Variants in RPS19 observed in about 807,000 individuals in gnomAD.
The protein encoded by RPS19 is ribosomal protein S19.
A neutral mutation model predicts 20.3 loss-of-function variants in RPS19; 1 was observed. The ratio of observed to expected loss-of-function variants is 0.05; its 90% CI spans 0.02 to 0.23. The LOEUF (loss-of-function observed/expected upper bound fraction) is 0.23. Ranked by LOEUF, RPS19 falls within the 10% of genes least tolerant of loss-of-function variation. The probability of loss-of-function intolerance (pLI) is 1.00; values close to 1 mark genes in which losing one functional copy is unlikely to be tolerated. For missense variants in RPS19, 111 were observed against 192.7 expected (o/e 0.58, Z 2.51); for synonymous variants, 87 against 74.8 (o/e 1.16, Z -0.84).
chr19:41,867,946 C>G (rs2074106870), intron 3 of RPS19, among the ~76,000 whole-genome samples: 1 of 152,176 alleles, frequency 6.6e-6, no homozygotes, highest in Admixed American at 6.5e-5. Flanking sequence ...GTATCTGGAC[C>G]TGATCTCAGG....
intron 3 of RPS19, among the ~76,000 whole-genome samples, chr19:41,867,591 C>T (rs1357551207): frequency 1.3e-5 from 2 of 152,210 alleles, no homozygotes; most frequent in Admixed American, 6.5e-5. Context: ...GGATTACAGG[C>T]GTGAGCCACT....
chr19:41,866,502 G>A (rs550258961), intron 3 of RPS19, among the ~76,000 whole-genome samples: 218 of 152,296 alleles, frequency 1.4e-3, no homozygotes, highest in African/African-American at 5.1e-3. Flanking sequence ...ATTGGTCCTG[G>A]TTATGGGCAC....
intron 3 of RPS19, among the ~76,000 whole-genome samples, chr19:41,867,805 T>G (rs1398133011): frequency 1.3e-5 from 2 of 152,202 alleles, no homozygotes; most frequent in Admixed American, 6.5e-5. Context: ...GCCCTTTTTT[T>G]GTGTTTTAAG....
At chr19:41,860,950 G>T in intron 2 of RPS19, 105 bp downstream of exon 2, 1 of 1,174,644 alleles carries the variant, frequency 8.5e-7, no homozygotes, top group Non-Finnish European at 1.3e-6. Context: ...CTTGTTTGGG[G>T]CCTCCGTGGC....
intron 3 of RPS19, among the ~76,000 whole-genome samples, chr19:41,868,055 A>C (rs1191495243): frequency 6.6e-6 from 1 of 152,180 alleles, no homozygotes; most frequent in Non-Finnish European, 1.5e-5. Flanking sequence ...CAGTTATGGA[A>C]GAACCCCCAA....
At chr19:41,860,717 T>C in intron 1 of RPS19, 58 bp from the exon 2 acceptor site, 2 of 1,275,964 alleles carry the variant, frequency 1.6e-6, no homozygotes, top group Non-Finnish European at 1.1e-6. Flanking sequence ...GTGGGGTCCG[T>C]GCTCTTGGCA....
intron 1 of RPS19, 167 bp downstream of exon 1, chr19:41,860,456 T>A: frequency 2.4e-6 from 1 of 410,104 alleles, no homozygotes; most frequent in South Asian, 2.2e-5. Context: ...GTCAGCGCCG[T>A]CCGGGAACCG....
intron 3 of RPS19, chr19:41,864,933 C>T (rs560055314): frequency 4.9e-4 from 74 of 152,326 alleles, no homozygotes; most frequent in African/African-American, 1.7e-3. Flanking sequence ...TATTTCAACT[C>T]TTAGCATTTT....
chr19:41,869,824 G>A (rs2074128559), intron 5 of RPS19, 71 bp downstream of exon 5: 10 of 1,505,886 alleles, frequency 6.6e-6, no homozygotes, highest in South Asian at 3.4e-5. Context: ...CCCATACTTT[G>A]TCAGGTAGAC....
intron 5 of RPS19, 142 bp from the exon 6 acceptor site, chr19:41,871,209 C>G: frequency 1.3e-6 from 1 of 787,326 alleles, no homozygotes; most frequent in Non-Finnish European, 2.3e-6. Flanking sequence ...GGGGAATACC[C>G]ACAGTGAGAA....
At chr19:41,871,097 A>G (rs2074144939) in intron 5 of RPS19, among the ~76,000 whole-genome samples, 1 of 151,938 alleles carries the variant, frequency 6.6e-6, no homozygotes, top group African/African-American at 2.4e-5. Context: ...TCTTGACCTC[A>G]GGTGATCCAC....
At position 41,869,018 on chromosome 19, in the gene RPS19, A is replaced by G; in HGVS notation, c.173-13A>G. On this transcript the variant is annotated splice_polypyrimidine_tract_variant and intron_variant, in intron 3 of 5. Coordinates refer to ENST00000598742, the MANE Select transcript of RPS19 (RefSeq NM_001022.4). ...ATCAAGACCCTTAAATCTCCCTCTC[A>G]CACTACCCCCAGCTTCCACAGCGCG... 6.2e-7 allele frequency: 1 copy of G among 1,613,338 alleles called. No individual in the cohort carries two copies. Among genetic ancestry groups the G allele is most frequent in the Non-Finnish European group, 8.5e-7 (1 of 1,179,688 alleles).
chr19:41,864,700 G>A (rs2074067055), intron 3 of RPS19: 1 of 152,288 alleles, frequency 6.6e-6, no homozygotes, highest in Non-Finnish European at 1.5e-5. Flanking sequence ...TTCCTGAGAG[G>A]AGTGGGTTGC....
chr19:41,868,801 G>A (rs1380510745), intron 3 of RPS19, among the ~76,000 whole-genome samples: 1 of 152,032 alleles, frequency 6.6e-6, no homozygotes, highest in African/African-American at 2.4e-5. Flanking sequence ...CACTAAAGAA[G>A]TTGGCCCTGG....
At position 41,871,983 on chromosome 19, in the gene RPS19, C is replaced by G. The variant is rs1225851499; in HGVS notation, c.*606C>G. 1 of 156,540 alleles carries G rather than the reference C, an allele frequency of 6.4e-6. No homozygotes were observed. Among genetic ancestry groups the G allele is most frequent in the Admixed American group, 6.2e-5 (1 of 16,160 alleles). The allele number at this position is 156,540 out of a possible 1,614,324, so 9.7% of individuals were successfully genotyped here. A position where few individuals can be genotyped will look rare whatever the true frequency, so the allele number is the denominator to read the frequency against. ...TGCCTACACACTAACTTTCCTGGGC[C>G]TGGGGCCTGCACAGGCTGAATGGTC... On this transcript the variant is annotated 3_prime_UTR_variant, in exon 6 of 6. Transcript: ENST00000598742.
intron 3 of RPS19, 85 bp from the exon 4 acceptor site, chr19:41,868,946 T>G: frequency 6.9e-5 from 93 of 1,349,494 alleles, no homozygotes; most frequent in Non-Finnish European, 9.5e-5. Flanking sequence ...TATAAAACAG[T>G]GAGAATTAGC....
intron 4 of RPS19, 123 bp downstream of exon 4, chr19:41,869,337 G>A: frequency 1.1e-6 from 1 of 924,706 alleles, no homozygotes; most frequent in East Asian, 2.6e-5. Context: ...AGGCAGGCAG[G>A]AGGGGATTCT....
In RPS19 at chr19:41,869,771, G is replaced by GGT; in HGVS notation, c.411+20_411+21dup. The GGT allele has an allele frequency of 6.2e-7, 1 of 1,613,282 alleles. No individual in the cohort carries two copies. The highest frequency in any genetic ancestry group is 8.5e-7 in the Non-Finnish European group (1 of 1,179,218). ...CCGGACAGGTAAGGCCTGCGTTTGG[G>GGT]GTGGGGCTGGGTCCCTTAGTCGCTG... On this transcript the variant is annotated intron_variant, in intron 5 of 5. Coordinates refer to ENST00000598742, the MANE Select transcript of RPS19 (RefSeq NM_001022.4).
intron 3 of RPS19, among the ~76,000 whole-genome samples, chr19:41,865,282 T>C (rs1344160498): frequency 6.6e-6 from 1 of 151,520 alleles, no homozygotes; most frequent in African/African-American, 2.4e-5. Context: ...GAAGAATTGC[T>C]TGAACCCCGG....
Sources: gnomAD v4.1 joint callset for allele counts (sites outside exome capture counted in the v4.1 genomes callset) on GRCh38, gnomAD v4.1.1 for gene constraint, MANE v1.5 for transcripts, NCBI Gene and HGNC (gene_info 2026-07-23, HGNC 2026-07-21) for gene names.